The following GRIK4 variants were observed in gnomAD, a reference collection of about 807,000 sequenced individuals.
GRIK4 encodes the protein glutamate receptor ionotropic, kainate 4.
A neutral mutation model predicts 104.9 loss-of-function variants in GRIK4; 40 were observed. That is an observed-to-expected ratio of 0.38 (90% CI 0.30 to 0.50). The LOEUF is 0.50. GRIK4 is among the 20% of genes least tolerant of loss of function. GRIK4 has a pLI of 0.93. For synonymous variants in GRIK4, 485 were observed against 524.9 expected, an observed-to-expected ratio of 0.92 and a Z score of 1.04; for missense variants, 1,047 against 1,308.1, an observed-to-expected ratio of 0.80 and a Z score of 3.08.
At chr11:120,754,142 T>C (rs1170622486) in intron 3 of GRIK4, among the ~76,000 whole-genome samples, 1 of 152,200 alleles carries the variant, frequency 6.6e-6, no homozygotes, top group African/African-American at 2.4e-5. Flanking sequence ...GTGATTCTCC[T>C]GCCCCAGCCT....
rs747212715 is a variant in GRIK4 at position 120,862,164 on chromosome 11, C to T, written c.906+44C>T. The T allele has an allele frequency of 5.8e-6, 9 of 1,562,992 alleles. No homozygotes were observed. The Admixed American group carries it at 1.6e-4, about 27-fold the overall frequency. Reference sequence around the variant, plus strand: ...TCTTCCTGGTGCCCCTTGGCCTCTGCACATTGCCCCTCTGTGGGCCAACCC... The same window carrying T: ...TCTTCCTGGTGCCCCTTGGCCTCTGTACATTGCCCCTCTGTGGGCCAACCC... On this transcript the variant is annotated intron_variant, in intron 9 of 20. Coordinates refer to ENST00000527524, the MANE Select transcript of GRIK4 (RefSeq NM_014619.5).
In GRIK4 at chr11:120,646,469, G is replaced by C. The variant is rs754766492; in HGVS notation, c.-158-7216G>C. Reference sequence around the variant, plus strand: ...CCTTCTGGGAGTTTTGTGAAGTTTTGTGAGTGGAGGGAGTGGGGGGACATC... The same window carrying C: ...CCTTCTGGGAGTTTTGTGAAGTTTTCTGAGTGGAGGGAGTGGGGGGACATC... On this transcript the variant is annotated intron_variant, in intron 1 of 20. Coordinates refer to ENST00000527524, the MANE Select transcript of GRIK4 (RefSeq NM_014619.5). Among the ~76,000 whole-genome samples the C allele has an allele frequency of 1.0e-3, 156 of 152,266 alleles. 2 individuals carry two copies. Among genetic ancestry groups the C allele is most frequent in the Non-Finnish European group, 1.6e-3 (106 of 68,024 alleles).
chr11:120,780,177 A>C (rs1952124955), intron 3 of GRIK4, among the ~76,000 whole-genome samples: 1 of 152,236 alleles, frequency 6.6e-6, no homozygotes, highest in African/African-American at 2.4e-5. Flanking sequence ...AATACACATA[A>C]AACTACTGTT....
At chr11:120,634,038 G>T (rs901392819) in intron 1 of GRIK4, among the ~76,000 whole-genome samples, 5 of 152,192 alleles carry the variant, frequency 3.3e-5, no homozygotes, top group African/African-American at 1.2e-4. Context: ...CCGCTTATGA[G>T]CAGTGTAACG....
At chr11:120,709,252 T>C (rs1315944914) in intron 3 of GRIK4, among the ~76,000 whole-genome samples, 2 of 151,802 alleles carry the variant, frequency 1.3e-5, no homozygotes, top group East Asian at 3.9e-4. Flanking sequence ...CCTACCCTCA[T>C]CTAGAATGCT....
rs1431851865 is a variant in GRIK4 at position 120,976,885 on chromosome 11, G to A, written c.2396-5221G>A. ...TAGTTGCAGATTTCCACAGTGGTTCGTGGAGATATGTGAGTGTTTTAAGGG... is the reference window on the plus strand; with the variant it reads ...TAGTTGCAGATTTCCACAGTGGTTCATGGAGATATGTGAGTGTTTTAAGGG... On this transcript the variant is annotated intron_variant, in intron 19 of 20. Coordinates refer to ENST00000527524, the MANE Select transcript of GRIK4 (RefSeq NM_014619.5). 3.9e-5 allele frequency among the ~76,000 whole-genome samples: 6 copies of A among 152,108 alleles called. No homozygotes were observed. The South Asian group carries it at 6.2e-4, about 16-fold the overall frequency.
rs76882178 is a variant in GRIK4 at position 120,741,144 on chromosome 11, A to G, written c.83-61549A>G. ...GTCAGGGGTCTTTCTGAGCCCCTGC[A>G]TGCATTAACTCATTTACCACTCACA... is the stretch of plus-strand genomic sequence containing the variant. On this transcript the variant is annotated intron_variant, in intron 3 of 20. Transcript: ENST00000527524. Among the ~76,000 whole-genome samples, 694 of 152,274 alleles carry G rather than the reference A, an allele frequency of 4.6e-3. 24 individuals carry two copies. In the East Asian group the frequency reaches 0.086, roughly 19 times the overall value.
chr11:120,741,262 G>A (rs1951326138), intron 3 of GRIK4, among the ~76,000 whole-genome samples: 1 of 151,284 alleles, frequency 6.6e-6, no homozygotes, highest in South Asian at 2.1e-4. Context: ...TGGCAGAACA[G>A]GCCGTGTGCT....
intron 8 of GRIK4, among the ~76,000 whole-genome samples, chr11:120,853,487 A>G (rs1306194209): frequency 6.6e-6 from 1 of 152,208 alleles, no homozygotes; most frequent in Non-Finnish European, 1.5e-5. Flanking sequence ...GGCAGGGATC[A>G]GATTCAAGAG....
Position 120,898,522 on chromosome 11 carries a change from G to A in GRIK4, c.1165-10G>A. The A allele has an allele frequency of 6.6e-7, 1 of 1,510,622 alleles. No homozygotes were observed. The highest frequency in any genetic ancestry group is 9.2e-7 in the Non-Finnish European group (1 of 1,085,576). The allele number at this position is 1,510,622 out of a possible 1,614,324, so 93.6% of individuals were successfully genotyped here. ...CATTTCTTCCCAGTCCTCTCCGTTG[G>A]TCTCCTCAGATCGGCCAGTGGCACG... On this transcript the variant is annotated splice_polypyrimidine_tract_variant and intron_variant, in intron 11 of 20. Coordinates refer to ENST00000527524, the MANE Select transcript of GRIK4 (RefSeq NM_014619.5).
intron 13 of GRIK4, among the ~76,000 whole-genome samples, chr11:120,914,621 G>A (rs1943067429): frequency 6.6e-6 from 1 of 152,210 alleles, no homozygotes; most frequent in African/African-American, 2.4e-5. Flanking sequence ...CGTTGGTTCT[G>A]GACAACTGGA....
chr11:120,636,944 G>A (rs1358969524), intron 1 of GRIK4, among the ~76,000 whole-genome samples: 1 of 152,234 alleles, frequency 6.6e-6, no homozygotes, highest in Non-Finnish European at 1.5e-5. Flanking sequence ...ATGGTCAGAG[G>A]TGTCTATGAG....
chr11:120,859,474 G>A (rs750933327), intron 8 of GRIK4: 14 of 152,186 alleles, frequency 9.2e-5, no homozygotes, highest in Non-Finnish European at 1.6e-4. Context: ...CAGAGCCTCA[G>A]GGCTTCCTTA....
Position 120,905,485 on chromosome 11 carries a change from A to C in GRIK4, c.1468A>C (p.Ile490Leu), listed in dbSNP as rs778617893. The C allele has an allele frequency of 2.9e-6, 4 of 1,386,246 alleles. No individual in the cohort carries two copies. In the East Asian group the frequency reaches 1.2e-4, roughly 42 times the overall value. 85.9% of individuals were successfully genotyped at this position (1,386,246 alleles called of 1,614,324 possible). A position where few individuals can be genotyped will look rare whatever the true frequency, so the allele number is the denominator to read the frequency against. The change falls in exon 13 of 21, where the codon ATC becomes CTC. Residue 490 changes from isoleucine (I) to leucine (L), a missense_variant. Coordinates refer to ENST00000527524, the MANE Select transcript of GRIK4 (RefSeq NM_014619.5). This position sits in a 1 kb window ranked among gnomAD's most constrained non-coding sequence, Gnocchi z 5.1. The part of the protein sequence containing the change: ...GTWTGMVGEL[I>L]ARKADLAVAG... ...CTGGACGGGAATGGTCGGGGAGCTGATCGCTAGGGTAAGGAGAGGACAAGT... is the reference window on the plus strand; with the variant it reads ...CTGGACGGGAATGGTCGGGGAGCTGCTCGCTAGGGTAAGGAGAGGACAAGT...
intron 1 of GRIK4, among the ~76,000 whole-genome samples, chr11:120,574,035 G>T (rs572645222): frequency 2.6e-5 from 4 of 152,294 alleles, no homozygotes; most frequent in Admixed American, 2.0e-4. Flanking sequence ...CTCTCCCCTG[G>T]GACCGACACT....
intron 3 of GRIK4, among the ~76,000 whole-genome samples, chr11:120,687,018 C>T (rs1206752959): frequency 1.3e-5 from 2 of 152,218 alleles, no homozygotes; most frequent in Non-Finnish European, 2.9e-5. Flanking sequence ...TAAAATACTT[C>T]TGGTGATGGA....
chr11:120,668,131 A>G (rs1949949962), intron 3 of GRIK4, among the ~76,000 whole-genome samples: 1 of 151,266 alleles, frequency 6.6e-6, no homozygotes, highest in Admixed American at 6.7e-5. Context: ...AGATAGATAG[A>G]TAGATAGATA....
chr11:120,752,436 G>A (rs765693865), intron 3 of GRIK4, among the ~76,000 whole-genome samples: 1 of 152,124 alleles, frequency 6.6e-6, no homozygotes, highest in Non-Finnish European at 1.5e-5. Flanking sequence ...GCCCGCCAAG[G>A]TGGGCAGGCC....
intron 3 of GRIK4, among the ~76,000 whole-genome samples, chr11:120,767,775 G>GT (rs1199498648): frequency 6.6e-6 from 1 of 152,148 alleles, no homozygotes; most frequent in Non-Finnish European, 1.5e-5. Flanking sequence ...TGGAAATCCA[G>GT]TTTTTCAGCA....
Sources: gnomAD v4.1 joint callset for allele counts (sites outside exome capture counted in the v4.1 genomes callset) on GRCh38, gnomAD v4.1.1 for gene constraint, Gnocchi (gnomAD v3.1) non-coding constraint, MANE v1.5 for transcripts, NCBI Gene and HGNC (gene_info 2026-07-23, HGNC 2026-07-21) for gene names.